Variants in SCAPER observed in about 807,000 individuals in gnomAD.
SCAPER encodes the protein S phase cyclin A-associated protein in the endoplasmic reticulum.
A neutral mutation model predicts 182.2 loss-of-function variants in SCAPER; 98 were observed. The observed-to-expected ratio is 0.54, with a 90% confidence interval of 0.46 to 0.64. The LOEUF is 0.64. Among genes scored for constraint, SCAPER ranks in the 30% least tolerant of loss-of-function variants. The probability of loss-of-function intolerance (pLI) is 0.00; values close to 1 mark genes in which losing one functional copy is unlikely to be tolerated. For missense variants in SCAPER, 1,432 were observed against 1,690.0 expected (o/e 0.85, Z 2.68); for synonymous variants, 605 against 564.6 (o/e 1.07, Z -1.01).
intron 8 of SCAPER, among the ~76,000 whole-genome samples, chr15:76,791,676 C>T (rs2065016583): frequency 6.6e-6 from 1 of 151,686 alleles, no homozygotes; most frequent in South Asian, 2.1e-4. Context: ...TTTGCATATA[C>T]AGGGCAAGAC....
intron 2 of SCAPER, among the ~76,000 whole-genome samples, chr15:76,872,707 T>C (rs1381096644): frequency 6.6e-6 from 1 of 151,654 alleles, no homozygotes; most frequent in East Asian, 1.9e-4. Context: ...ACTATATTAA[T>C]ACAGTATAAT....
chr15:76,591,671 A>G (rs1478016456), intron 22 of SCAPER, among the ~76,000 whole-genome samples: 2 of 152,192 alleles, frequency 1.3e-5, no homozygotes, highest in African/African-American at 4.8e-5. Context: ...ATAGAATACT[A>G]TGTATCACTA....
intron 29 of SCAPER, among the ~76,000 whole-genome samples, chr15:76,375,159 A>AAGGCTGCAGGGG (rs2042460504): frequency 7.4e-6 from 1 of 135,556 alleles, no homozygotes; most frequent in African/African-American, 2.7e-5. Context: ...TCAAGGCTGC[A>AAGGCTGCAGGGG]GTGAGCCATG....
chr15:76,770,072 G>A (rs1003865054), intron 10 of SCAPER, among the ~76,000 whole-genome samples: 11 of 152,008 alleles, frequency 7.2e-5, no homozygotes, highest in African/African-American at 2.7e-4. Flanking sequence ...GATGAAGCTG[G>A]AAACCATCAT....
At chr15:76,396,388 C>G (rs1394019519) in intron 27 of SCAPER, among the ~76,000 whole-genome samples, 1 of 152,154 alleles carries the variant, frequency 6.6e-6, no homozygotes, top group Non-Finnish European at 1.5e-5. Context: ...ATAAGGATTG[C>G]ATGGACTCTG....
chr15:76,397,554 C>T (rs1436825058), intron 27 of SCAPER, among the ~76,000 whole-genome samples: 1 of 138,472 alleles, frequency 7.2e-6, no homozygotes, highest in Non-Finnish European at 1.5e-5. Flanking sequence ...GATCTTGGCT[C>T]ACCGCAACCT....
At chr15:76,518,540 C>T (rs1229531943) in intron 23 of SCAPER, among the ~76,000 whole-genome samples, 1 of 152,114 alleles carries the variant, frequency 6.6e-6, no homozygotes, top group Non-Finnish European at 1.5e-5. Context: ...TAGTGATAGG[C>T]AGGGGCAGGG....
At chr15:76,559,978 A>G (rs936229696) in intron 23 of SCAPER, among the ~76,000 whole-genome samples, 2 of 152,196 alleles carry the variant, frequency 1.3e-5, no homozygotes, top group South Asian at 4.1e-4. Context: ...CTTTGTAAAG[A>G]AAGTTAAAAT....
intron 23 of SCAPER, among the ~76,000 whole-genome samples, chr15:76,547,605 T>C (rs1473642863): frequency 6.6e-6 from 1 of 152,156 alleles, no homozygotes; most frequent in African/African-American, 2.4e-5. Flanking sequence ...TTAAAAGTTC[T>C]GCTTTTTCAC....
chr15:76,586,762 T>C (rs1009034712), intron 22 of SCAPER: 7 of 152,570 alleles, frequency 4.6e-5, no homozygotes, highest in African/African-American at 1.7e-4. Context: ...TCTGTAGTTT[T>C]CTTTTTTTTT....
chr15:76,580,479 G>A (rs2048184297), intron 22 of SCAPER, among the ~76,000 whole-genome samples: 1 of 152,206 alleles, frequency 6.6e-6, no homozygotes, highest in African/African-American at 2.4e-5. Flanking sequence ...AGCTGTCTGT[G>A]TGTGGTGGCT....
At chr15:76,700,605 TC>T (rs1249736233) in intron 20 of SCAPER, among the ~76,000 whole-genome samples, 1 of 152,080 alleles carries the variant, frequency 6.6e-6, no homozygotes, top group African/African-American at 2.4e-5. Flanking sequence ...GTGCCAGCCT[TC>T]TTGATGGTCT....
At chr15:76,730,528 A>C in intron 16 of SCAPER, among the ~76,000 whole-genome samples, 1 of 152,144 alleles carries the variant, frequency 6.6e-6, no homozygotes, top group East Asian at 1.9e-4. Flanking sequence ...AAAAACTCTT[A>C]AGAGTAAAAA....
chr15:76,848,706 C>G (rs1286081089), intron 4 of SCAPER, among the ~76,000 whole-genome samples: 5 of 152,140 alleles, frequency 3.3e-5, no homozygotes, highest in Admixed American at 3.3e-4. Flanking sequence ...AAATAACACA[C>G]TCAATTTGTC....
At chr15:76,642,291 G>C (rs1044054522) in intron 21 of SCAPER, among the ~76,000 whole-genome samples, 2 of 151,932 alleles carry the variant, frequency 1.3e-5, no homozygotes, top group Non-Finnish European at 2.9e-5. Flanking sequence ...TGTTAATAAT[G>C]ATTATTTTAA....
In SCAPER at chr15:76,841,799, G is replaced by C; in HGVS notation, c.328C>G (p.Leu110Val). 6.2e-7 allele frequency: 1 copy of C among 1,613,944 alleles called. No homozygotes were observed. The highest frequency in any genetic ancestry group is 8.5e-7 in the Non-Finnish European group (1 of 1,179,878). The change falls in exon 5 of 32, where the codon CTT becomes GTT. Residue 110 changes from leucine to valine, a missense_variant. By Grantham distance (32) the Leu-to-Val change is conservative. This residue lies in a region of SCAPER where 480 missense variants were observed against 510.2 expected (regional missense o/e 0.94). Transcript: ENST00000563290. ...TAGATTTCATCTACTGCTCGGCGAA[G>C]ATTATCAAAAAGAAATGCCCAGTAT... ...ARYWAFLFDN[L>V]RRAVDEIYVT... is the part of the protein sequence containing the mutation.
intron 25 of SCAPER, among the ~76,000 whole-genome samples, chr15:76,443,997 G>C (rs1298392282): frequency 6.6e-6 from 1 of 152,180 alleles, no homozygotes; most frequent in South Asian, 2.1e-4. Context: ...CTTTCTGGAG[G>C]GTGAAAGAAT....
At chr15:76,662,795 T>C (rs2056298049) in intron 21 of SCAPER, among the ~76,000 whole-genome samples, 1 of 152,126 alleles carries the variant, frequency 6.6e-6, no homozygotes, top group Non-Finnish European at 1.5e-5. Flanking sequence ...CTTTATATCA[T>C]GCCTACTAAT....
At chr15:76,479,354 C>T (rs1041198381) in intron 24 of SCAPER, among the ~76,000 whole-genome samples, 1 of 152,096 alleles carries the variant, frequency 6.6e-6, no homozygotes, top group African/African-American at 2.4e-5. Flanking sequence ...ACTAGAAGCA[C>T]GTTTTAACAT....
Sources: gnomAD v4.1 joint callset for allele counts (sites outside exome capture counted in the v4.1 genomes callset) on GRCh38, gnomAD v4.1.1 for gene constraint, gnomAD v4.1.1 regional missense constraint, MANE v1.5 for transcripts, NCBI Gene and HGNC (gene_info 2026-07-23, HGNC 2026-07-21) for gene names.